WDPCP: variants seen among roughly 807,000 people sequenced by gnomAD.
WDPCP encodes the protein WD repeat-containing and planar cell polarity effector protein fritz homolog.
WDPCP carries 71 observed loss-of-function variants against 93.1 expected under a neutral mutation model. The observed-to-expected ratio is 0.76, with a 90% CI of 0.63 to 0.93. WDPCP has a LOEUF of 0.93. Ranked by LOEUF, WDPCP falls within the 40% of genes least tolerant of loss-of-function variation. WDPCP has a pLI of 0.00. For synonymous variants in WDPCP, 315 were observed against 315.0 expected, an observed-to-expected ratio of 1.00 and a Z score of 0.00; for missense variants, 844 against 887.4, an observed-to-expected ratio of 0.95 and a Z score of 0.62.
upstream of WDPCP, among the ~76,000 whole-genome samples, chr2:63,831,169 A>ATATC (rs1423583646): frequency 3.3e-5 from 5 of 152,132 alleles, no homozygotes; most frequent in African/African-American, 4.8e-5. Context: ...CTTTCAAAAT[A>ATATC]TATCTCTAAA....
At chr2:63,230,802 T>C (rs181049981) in intron 14 of WDPCP, among the ~76,000 whole-genome samples, 6 of 152,342 alleles carry the variant, frequency 3.9e-5, no homozygotes, top group Admixed American at 6.5e-5. Flanking sequence ...CTTGTGAATT[T>C]GTTTAAGTTC....
chr2:63,471,536 T>C (rs1433429391), intron 6 of WDPCP, among the ~76,000 whole-genome samples: 1 of 152,258 alleles, frequency 6.6e-6, no homozygotes, highest in East Asian at 1.9e-4. Context: ...CAAGGAGTAG[T>C]GTCTTCAATA....
intron 2 of WDPCP, among the ~76,000 whole-genome samples, chr2:63,695,377 A>G (rs1668949336): frequency 6.6e-6 from 1 of 152,222 alleles, no homozygotes; most frequent in Non-Finnish European, 1.5e-5. Context: ...TAGAGTTGCT[A>G]GATCAAATCC....
chr2:63,588,823 T>A, upstream of WDPCP: 5 of 531,210 alleles, frequency 9.4e-6, no homozygotes, highest in Admixed American at 3.2e-5. Flanking sequence ...AAAAAACCTC[T>A]GGTATCGGGA....
intron 2 of WDPCP, among the ~76,000 whole-genome samples, chr2:63,740,433 C>T (rs1669696175): frequency 6.6e-6 from 1 of 152,066 alleles, no homozygotes; most frequent in African/African-American, 2.4e-5. Context: ...ATCTTAAGTT[C>T]ACTGCACACC....
At chr2:63,209,170 C>A (rs1013884955) in intron 14 of WDPCP, among the ~76,000 whole-genome samples, 1 of 152,208 alleles carries the variant, frequency 6.6e-6, no homozygotes, top group Non-Finnish European at 1.5e-5. Flanking sequence ...ACAGGGGTGC[C>A]TCTAATTATT....
At chr2:63,294,322 G>GC (rs879256250) in intron 13 of WDPCP, among the ~76,000 whole-genome samples, 1 of 151,096 alleles carries the variant, frequency 6.6e-6, no homozygotes, top group Non-Finnish European at 1.5e-5. Flanking sequence ...TGGCCAACAG[G>GC]GGAAACCCCA....
rs1200148310 is a variant in WDPCP at position 63,622,069 on chromosome 2, T to G, written n.488+28590A>C. The G allele has an allele frequency of 7.8e-6, 4 of 511,338 alleles. No individual in the cohort carries two copies. In the African/African-American group the frequency reaches 1.2e-4, roughly 16 times the overall value. 31.7% of individuals were successfully genotyped at this position (511,338 alleles called of 1,614,324 possible). On this transcript the variant is annotated intron_variant and non_coding_transcript_variant, in intron 3 of 4. Transcript: ENST00000467687. ...CCCTCAACATTCTTTCTTTTTTCTT[T>G]TTTTTTTTTTTTTTTGGAAGTTGAT...
At chr2:63,622,799 G>A (rs1709761017) in intron 3 of WDPCP, 10 of 1,612,294 alleles carry the variant, frequency 6.2e-6, no homozygotes, top group South Asian at 2.2e-5. Flanking sequence ...AGGAACTCCG[G>A]AGCACGCTCT....
chr2:63,426,306 C>A (rs1378772729), intron 9 of WDPCP, among the ~76,000 whole-genome samples: 1 of 152,036 alleles, frequency 6.6e-6, no homozygotes, highest in Non-Finnish European at 1.5e-5. Context: ...CACATCACTG[C>A]ACTCCAGCCT....
chr2:63,293,825 GA>G (rs1227102875), intron 13 of WDPCP, among the ~76,000 whole-genome samples: 2 of 151,990 alleles, frequency 1.3e-5, no homozygotes, highest in Non-Finnish European at 2.9e-5. Flanking sequence ...GGAACAGAAA[GA>G]AAAAAGACTG....
intron 2 of WDPCP, among the ~76,000 whole-genome samples, chr2:63,798,427 G>A (rs560321084): frequency 2.0e-5 from 3 of 152,198 alleles, no homozygotes; most frequent in African/African-American, 7.2e-5. Context: ...GGGGGAAGAA[G>A]TTAAGGCATA....
intron 1 of WDPCP, among the ~76,000 whole-genome samples, chr2:63,547,878 G>C (rs1705272544): frequency 6.6e-6 from 1 of 152,016 alleles, no homozygotes; most frequent in African/African-American, 2.4e-5. Flanking sequence ...CAGATCAGTA[G>C]AATGACTATA....
chr2:63,668,750 A>T (rs1348806), intron 2 of WDPCP, among the ~76,000 whole-genome samples: 121,985 of 152,052 alleles, frequency 0.8, 49,352 homozygotes, highest in East Asian at 0.98. Context: ...TTTCTACACA[A>T]CTTTCTCCCT....
chr2:63,130,106 A>G (rs553071076), intron 17 of WDPCP, among the ~76,000 whole-genome samples: 4 of 152,218 alleles, frequency 2.6e-5, no homozygotes, highest in Non-Finnish European at 5.9e-5. Context: ...ACAAACAATA[A>G]TTTTAGTGAA....
In WDPCP at chr2:63,168,090, C is replaced by T. The variant is rs112705775; in HGVS notation, c.2078+6580G>A. 7.1e-5 allele frequency among the ~76,000 whole-genome samples: 8 copies of T among 111,966 alleles called. 1 individual carries two copies. The highest frequency in any genetic ancestry group is 2.9e-4 in the African/African-American group (8 of 27,884). 73.5% of individuals were successfully genotyped at this position (111,966 alleles called of 152,430 possible). A position where few individuals can be genotyped will look rare whatever the true frequency, so the allele number is the denominator to read the frequency against. ...TCACGCCACTGCACTCCAGGCCAGG[C>T]AAGAGTGAGACCCTGCCAAAAAAAA... On this transcript the variant is annotated intron_variant, in intron 15 of 17. Coordinates refer to ENST00000272321, the MANE Select transcript of WDPCP (RefSeq NM_015910.7).
intron 14 of WDPCP, among the ~76,000 whole-genome samples, chr2:63,237,144 A>G (rs1018494838): frequency 4.6e-5 from 7 of 152,024 alleles, no homozygotes; most frequent in Non-Finnish European, 8.8e-5. Flanking sequence ...TAAGAAAAAA[A>G]AAATAACCCC....
chr2:63,377,011 CCAAA>C (rs898055675), intron 12 of WDPCP, among the ~76,000 whole-genome samples: 3 of 151,720 alleles, frequency 2.0e-5, no homozygotes, highest in Non-Finnish European at 4.4e-5. Context: ...AAAATAGTTA[CCAAA>C]CAGTCTACTC....
chr2:63,395,098 A>T (rs191074885), intron 10 of WDPCP, among the ~76,000 whole-genome samples: 104 of 152,338 alleles, frequency 6.8e-4, no homozygotes, highest in African/African-American at 2.3e-3. Flanking sequence ...TAACAAAAAA[A>T]TACAGAAATA....
Sources: allele counts gnomAD v4.1 joint callset (sites outside exome capture counted in the v4.1 genomes callset), GRCh38; gene constraint gnomAD v4.1.1; transcripts MANE v1.5; gene names NCBI Gene and HGNC (gene_info 2026-07-23, HGNC 2026-07-21).